The following OR2G6 variants were observed in gnomAD, a reference collection of about 807,000 sequenced individuals.
OR2G6 encodes the protein olfactory receptor 2G6.
For missense variants in OR2G6, 457 were observed against 391.3 expected (o/e 1.17, Z -1.42); for synonymous variants, 183 against 155.2 (o/e 1.18, Z -1.33).
rs139648415 is a variant in OR2G6 at position 248,521,655 on chromosome 1, A to C, written c.9A>C (p.Glu3Asp). 9.1e-5 allele frequency: 146 copies of C among 1,611,296 alleles called. No homozygotes were observed. Among genetic ancestry groups the C allele is most frequent in the Non-Finnish European group, 1.1e-4 (129 of 1,178,698 alleles). The change falls in exon 2 of 2, where the codon GAA becomes GAC. Residue 3 changes from glutamate (E) to aspartate (D), a missense_variant. Coordinates refer to ENST00000641804, the MANE Select transcript of OR2G6 (RefSeq NM_001013355.2). ME[E>D]TNNSSEKGFL... ...CTGAAGCTGCAGGAAAAATGGAGGA[A>C]ACCAACAACAGCTCTGAAAAGGGAT...
rs759979903 is a variant in OR2G6 at position 248,522,519 on chromosome 1, T to A, written c.873T>A (p.Thr291=). 2.0e-5 allele frequency: 32 copies of A among 1,613,596 alleles called. No homozygotes were observed. The highest frequency in any genetic ancestry group is 3.3e-5 in the Admixed American group (2 of 59,992). Residue 291 remains threonine, a synonymous_variant, in exon 2 of 2, where the codon ACT becomes ACA. Coordinates refer to ENST00000641804, the MANE Select transcript of OR2G6 (RefSeq NM_001013355.2). ...VTPLLNPIIY[T]LRNKDVKGAL... The stretch of plus-strand genomic sequence containing the variant: ...CACTTTTAAACCCCATTATCTACAC[T>A]CTGAGAAACAAAGATGTGAAAGGGG...
In OR2G6 at chr1:248,522,113, C is replaced by T; in HGVS notation, c.467C>T (p.Ser156Phe). The change falls in exon 2 of 2, where the codon TCC becomes TTC. Residue 156 changes from serine to phenylalanine, a missense_variant. By Grantham distance (155) the Ser-to-Phe change is radical. Coordinates refer to ENST00000641804, the MANE Select transcript of OR2G6 (RefSeq NM_001013355.2). ...GGAWLSGLIT[S>F]LIQCSLTVQL... The stretch of plus-strand genomic sequence containing the variant: ...GCATGGCTCAGCGGCCTCATCACCT[C>T]CCTAATTCAGTGCTCCCTCACTGTG... The T allele has an allele frequency of 6.2e-7, 1 of 1,614,178 alleles. No individual in the cohort carries two copies. The highest frequency in any genetic ancestry group is 8.5e-7 in the Non-Finnish European group (1 of 1,180,022).
rs1664369007 is a variant in OR2G6 at position 248,525,141 on chromosome 1, AC to A, written c.*2545del. ...TAAAAATCTTCCCTATAATTGAATA[AC>A]ATGAGTAGTTTCTCTTTTTTAAATA... On this transcript the variant is annotated 3_prime_UTR_variant, in exon 2 of 2. Coordinates refer to ENST00000641804, the MANE Select transcript of OR2G6 (RefSeq NM_001013355.2). 6.6e-6 allele frequency: 1 copy of A among 152,096 alleles called. No individual in the cohort carries two copies. Among genetic ancestry groups the A allele is most frequent in the East Asian group, 1.9e-4 (1 of 5,208 alleles). The allele number at this position is 152,096 out of a possible 1,614,324, so 9.4% of individuals were successfully genotyped here.
rs551498479 is a variant in OR2G6 at position 248,524,924 on chromosome 1, C to T, written c.*2327C>T. ...TAGGCAAAGCAACCTAAAAAAACTA[C>T]TTAACTGCAGATGAAAATGGGAACA... On this transcript the variant is annotated 3_prime_UTR_variant, in exon 2 of 2. Transcript: ENST00000641804. 18 of 152,216 alleles carry T rather than the reference C, an allele frequency of 1.2e-4. No individual in the cohort carries two copies. Among genetic ancestry groups the T allele is most frequent in the Non-Finnish European group, 2.5e-4 (17 of 68,006 alleles). 9.4% of individuals were successfully genotyped at this position (152,216 alleles called of 1,614,324 possible). A position where few individuals can be genotyped will look rare whatever the true frequency, so the allele number is the denominator to read the frequency against.
Position 248,524,225 on chromosome 1 carries a change from C to G in OR2G6, c.*1628C>G, listed in dbSNP as rs1664351512. On this transcript the variant is annotated 3_prime_UTR_variant, in exon 2 of 2. Transcript: ENST00000641804. ...GCATCAGGAGAATTCACTAATGACTCAGGCTGCCTCTTCACAAATACCCTG... is the reference window on the plus strand; with the variant it reads ...GCATCAGGAGAATTCACTAATGACTGAGGCTGCCTCTTCACAAATACCCTG... 6.6e-6 allele frequency: 1 copy of G among 152,206 alleles called. No individual in the cohort carries two copies. Among genetic ancestry groups the G allele is most frequent in the African/African-American group, 2.4e-5 (1 of 41,460 alleles). 9.4% of individuals were successfully genotyped at this position (152,206 alleles called of 1,614,324 possible).
At position 248,522,737 on chromosome 1, in the gene OR2G6, C is replaced by T; in HGVS notation, c.*140C>T. 3.2e-6 allele frequency: 2 copies of T among 623,606 alleles called. No individual in the cohort carries two copies. Among genetic ancestry groups the T allele is most frequent in the Non-Finnish European group, 5.5e-6 (2 of 361,360 alleles). 38.6% of individuals were successfully genotyped at this position (623,606 alleles called of 1,614,324 possible). On this transcript the variant is annotated 3_prime_UTR_variant, in exon 2 of 2. Coordinates refer to ENST00000641804, the MANE Select transcript of OR2G6 (RefSeq NM_001013355.2). ...TCTAAAGAAGGGAAACACCTCAAGG[C>T]AGCGTGAGGATTCATCCTCCCCAGA...
intron 1 of OR2G6, among the ~76,000 whole-genome samples, chr1:248,519,303 G>A (rs1664233287): frequency 7.4e-6 from 1 of 134,240 alleles, no homozygotes; most frequent in Admixed American, 7.9e-5. Flanking sequence ...TCACTATGAT[G>A]ATAGTTTCCT....
chr1:248,523,812 T>C lies in OR2G6; in HGVS notation c.*1215T>C, dbSNP rs1293153094. Reference sequence around the variant, plus strand: ...GCAATTATAGAAAAAAGTGATTTAATCTGTGGTTGTAATTTTACTTCATAT... The same window carrying C: ...GCAATTATAGAAAAAAGTGATTTAACCTGTGGTTGTAATTTTACTTCATAT... On this transcript the variant is annotated 3_prime_UTR_variant, in exon 2 of 2. Coordinates refer to ENST00000641804, the MANE Select transcript of OR2G6 (RefSeq NM_001013355.2). 1 of 152,206 alleles carries C rather than the reference T, an allele frequency of 6.6e-6. No individual in the cohort carries two copies. The highest frequency in any genetic ancestry group is 1.9e-4 in the East Asian group (1 of 5,198). The allele number at this position is 152,206 out of a possible 1,614,324, so 9.4% of individuals were successfully genotyped here.
rs1056514647 is a variant in OR2G6 at position 248,524,312 on chromosome 1, A to G, written c.*1715A>G. 1 of 152,224 alleles carries G rather than the reference A, an allele frequency of 6.6e-6. No homozygotes were observed. The highest frequency in any genetic ancestry group is 2.4e-5 in the African/African-American group (1 of 41,458). 9.4% of individuals were successfully genotyped at this position (152,224 alleles called of 1,614,324 possible). A position where few individuals can be genotyped will look rare whatever the true frequency, so the allele number is the denominator to read the frequency against. On this transcript the variant is annotated 3_prime_UTR_variant, in exon 2 of 2. Coordinates refer to ENST00000641804, the MANE Select transcript of OR2G6 (RefSeq NM_001013355.2). ...AAAATGATGAATATCCAATTTAACA[A>G]AAACGAGGGAAAAGAAGCCTGGTTA...
At position 248,522,040 on chromosome 1, in the gene OR2G6, T is replaced by C. The variant is rs1664300501; in HGVS notation, c.394T>C (p.Tyr132His). Reference protein sequence around the residue: ...RYAAVCRPLRYIAIMHPRFCA... With the variant: ...RYAAVCRPLRHIAIMHPRFCA... ...TGCTGCTGTCTGCCGGCCACTGCGCTACATAGCCATTATGCACCCCAGGTT... is the reference window on the plus strand; with the variant it reads ...TGCTGCTGTCTGCCGGCCACTGCGCCACATAGCCATTATGCACCCCAGGTT... The change falls in exon 2 of 2, where the codon TAC becomes CAC. Residue 132 changes from tyrosine (Y) to histidine (H), a missense_variant. By Grantham distance (83) the Tyr-to-His change is moderately conservative. Coordinates refer to ENST00000641804, the MANE Select transcript of OR2G6 (RefSeq NM_001013355.2). 6.2e-7 allele frequency: 1 copy of C among 1,614,078 alleles called. No homozygotes were observed. Among genetic ancestry groups the C allele is most frequent in the Non-Finnish European group, 8.5e-7 (1 of 1,180,048 alleles).
rs374004355 is a variant in OR2G6, at chr1:248,521,641, G to A, written c.-6G>A. 3 of 1,606,428 alleles carry A rather than the reference G, an allele frequency of 1.9e-6. No homozygotes were observed. The highest frequency in any genetic ancestry group is 2.7e-5 in the African/African-American group (2 of 74,566). On this transcript the variant is annotated 5_prime_UTR_variant, in exon 2 of 2. Transcript: ENST00000641804. ...GAAGCTGAAGAGTCCTGAAGCTGCA[G>A]GAAAAATGGAGGAAACCAACAACAG...
At position 248,526,427 on chromosome 1, in the gene OR2G6, C is replaced by T. The variant is rs1659099529; in HGVS notation, c.*3830C>T. ...AGCTGGGGCTGGTACCATAGGGATA[C>T]TTAAAGTTGAATTTATCAATTGCTG... On this transcript the variant is annotated 3_prime_UTR_variant, in exon 2 of 2. Coordinates refer to ENST00000641804, the MANE Select transcript of OR2G6 (RefSeq NM_001013355.2). 6.6e-6 allele frequency: 1 copy of T among 152,166 alleles called. No individual in the cohort carries two copies. Among genetic ancestry groups the T allele is most frequent in the Non-Finnish European group, 1.5e-5 (1 of 68,032 alleles). 9.4% of individuals were successfully genotyped at this position (152,166 alleles called of 1,614,324 possible).
In OR2G6 at chr1:248,522,937, G is replaced by T. The variant is rs1005977233; in HGVS notation, c.*340G>T. The T allele has an allele frequency of 1.3e-5, 3 of 225,110 alleles. No homozygotes were observed. The highest frequency in any genetic ancestry group is 2.6e-5 in the Non-Finnish European group (3 of 114,904). 13.9% of individuals were successfully genotyped at this position (225,110 alleles called of 1,614,324 possible). On this transcript the variant is annotated 3_prime_UTR_variant, in exon 2 of 2. Transcript: ENST00000641804. The stretch of plus-strand genomic sequence containing the variant: ...TGTCCTTCATCCACCTGCCATCAAG[G>T]TTCATGTATCCATTATTTCCTTCTA...
At position 248,526,017 on chromosome 1, in the gene OR2G6, C is replaced by CAA. The variant is rs59325988; in HGVS notation, c.*3429_*3430dup. ...TGGGCAACAGAGCAAGACTCCATCT[C>CAA]AAAAAAAAAAGAAAAAAATGTATAT... is the stretch of plus-strand genomic sequence containing the variant. On this transcript the variant is annotated 3_prime_UTR_variant, in exon 2 of 2. Coordinates refer to ENST00000641804, the MANE Select transcript of OR2G6 (RefSeq NM_001013355.2). 0.011 allele frequency: 1,625 copies of CAA among 147,346 alleles called. 19 individuals carry two copies. Among genetic ancestry groups the CAA allele is most frequent in the East Asian group, 0.024 (121 of 5,050 alleles). The allele number at this position is 147,346 out of a possible 1,614,324, so 9.1% of individuals were successfully genotyped here.
At chr1:248,521,533 A>G in intron 1 of OR2G6, 78 bp from the exon 2 acceptor site, 1 of 735,054 alleles carries the variant, frequency 1.4e-6, no homozygotes. Flanking sequence ...TATATAAGGA[A>G]GATAATTATA....
In OR2G6 at chr1:248,521,846, C is replaced by G. The variant is rs560459259; in HGVS notation, c.200C>G (p.Ser67Trp). ...TPMYFFLSNL[S>W]CVDICFTTSV... ...ATGTACTTCTTCCTCAGCAACCTCT[C>G]GTGTGTGGACATCTGCTTTACCACC... The change falls in exon 2 of 2, where the codon TCG becomes TGG. Residue 67 changes from serine to tryptophan, a missense_variant. Physicochemically the swap from Ser to Trp is radical, Grantham distance 177. Coordinates refer to ENST00000641804, the MANE Select transcript of OR2G6 (RefSeq NM_001013355.2). 1.2e-6 allele frequency: 2 copies of G among 1,614,140 alleles called. No individual in the cohort carries two copies. Among genetic ancestry groups the G allele is most frequent in the Non-Finnish European group, 1.7e-6 (2 of 1,180,020 alleles).
intron 1 of OR2G6, among the ~76,000 whole-genome samples, chr1:248,520,396 C>T (rs781040521): frequency 1.1e-4 from 16 of 151,924 alleles, no homozygotes; most frequent in Non-Finnish European, 2.1e-4. Context: ...ACGTTCTGCA[C>T]ATGTACCCTA....
Position 248,522,260 on chromosome 1 carries a change from T to C in OR2G6, c.614T>C (p.Val205Ala). 2 of 1,614,132 alleles carry C rather than the reference T, an allele frequency of 1.2e-6. No individual in the cohort carries two copies. The highest frequency in any genetic ancestry group is 1.7e-6 in the Non-Finnish European group (2 of 1,180,004). The change falls in exon 2 of 2, where the codon GTC (valine) becomes GCC (alanine). Residue 205 changes from valine (V) to alanine (A), a missense_variant. Coordinates refer to ENST00000641804, the MANE Select transcript of OR2G6 (RefSeq NM_001013355.2). ...NEAELFVASV[V>A]FLIVPVLLIL... ...GCAGAACTCTTTGTGGCCAGTGTAGTCTTTCTAATTGTCCCGGTGTTACTC... is the reference window on the plus strand; with the variant it reads ...GCAGAACTCTTTGTGGCCAGTGTAGCCTTTCTAATTGTCCCGGTGTTACTC...
Position 248,521,895 on chromosome 1 carries a change from T to C in OR2G6, c.249T>C (p.Val83=). 1 of 1,614,148 alleles carries C rather than the reference T, an allele frequency of 6.2e-7. No homozygotes were observed. The highest frequency in any genetic ancestry group is 8.5e-7 in the Non-Finnish European group (1 of 1,180,030). Residue 83 remains valine, a synonymous_variant, in exon 2 of 2, where the codon GTT becomes GTC. Transcript: ENST00000641804. ...FTTSVAPQLL[V]TMNKKDKTMS... ...CCAGTGTTGCCCCACAGTTGCTGGT[T>C]ACCATGAATAAGAAAGACAAAACCA...
Sources: gnomAD v4.1 joint callset for allele counts (sites outside exome capture counted in the v4.1 genomes callset) on GRCh38, gnomAD v4.1.1 for gene constraint, MANE v1.5 for transcripts, NCBI Gene and HGNC (gene_info 2026-07-23, HGNC 2026-07-21) for gene names.